DLGAP2: variants seen among roughly 807,000 people sequenced by gnomAD.
DLGAP2 encodes disks large-associated protein 2.
DLGAP2 carries 26 observed loss-of-function variants against 100.3 expected under a neutral mutation model. The ratio of observed to expected loss-of-function variants is 0.26; its 90% CI spans 0.19 to 0.36. The LOEUF is 0.36. Ranked by LOEUF, DLGAP2 falls within the 10% of genes least tolerant of loss-of-function variation. The pLI is 1.00. For missense variants in DLGAP2, 1,858 were observed against 1,453.2 expected, an observed-to-expected ratio of 1.28 and a Z score of -4.53; for synonymous variants, 886 against 630.1, an observed-to-expected ratio of 1.41 and a Z score of -6.08.
At chr8:1,558,348 C>A (rs1483099252) in intron 5 of DLGAP2, among the ~76,000 whole-genome samples, 1 of 152,214 alleles carries the variant, frequency 6.6e-6, no homozygotes, top group Non-Finnish European at 1.5e-5. Flanking sequence ...AAAGACAGTT[C>A]ACAACTCACA....
intron 3 of DLGAP2, among the ~76,000 whole-genome samples, chr8:1,260,804 T>C (rs1321562374): frequency 6.6e-6 from 1 of 152,224 alleles, no homozygotes; most frequent in Non-Finnish European, 1.5e-5. Context: ...GCAGGCTGAC[T>C]TGAGGCGACT....
chr8:1,316,741 A>C (rs1395561885), intron 3 of DLGAP2, among the ~76,000 whole-genome samples: 1 of 132,686 alleles, frequency 7.5e-6, no homozygotes, highest in East Asian at 3.8e-4. Flanking sequence ...GAAACTCGGC[A>C]GCTTTAAAAA....
At chr8:1,222,265 T>C (rs536237920) in intron 2 of DLGAP2, among the ~76,000 whole-genome samples, 1 of 152,338 alleles carries the variant, frequency 6.6e-6, no homozygotes, top group East Asian at 1.9e-4. Flanking sequence ...TTTGATTTTA[T>C]ATTCTTTGAT....
At chr8:766,633 G>C (rs927507382) in intron 1 of DLGAP2, among the ~76,000 whole-genome samples, 1 of 152,144 alleles carries the variant, frequency 6.6e-6, no homozygotes, top group East Asian at 1.9e-4. Context: ...ATGATACTTG[G>C]AGTGATCATG....
chr8:1,282,234 CAGGA>C (rs1799832559), intron 3 of DLGAP2, among the ~76,000 whole-genome samples: 1 of 118,152 alleles, frequency 8.5e-6, no homozygotes. Flanking sequence ...CCTGAACCAT[CAGGA>C]CATGGTGTGA....
At chr8:1,371,431 A>T (rs1802234067) in intron 3 of DLGAP2, among the ~76,000 whole-genome samples, 1 of 152,082 alleles carries the variant, frequency 6.6e-6, no homozygotes, top group South Asian at 2.1e-4. Flanking sequence ...GGCATGGGAG[A>T]TGGACAGAAA....
At chr8:1,597,904 T>C (rs564841007) in intron 6 of DLGAP2, among the ~76,000 whole-genome samples, 94 of 152,354 alleles carry the variant, frequency 6.2e-4, no homozygotes, top group Non-Finnish European at 1.1e-3. Context: ...TCCATCACTA[T>C]GTTGAATAGG....
At position 987,797 on chromosome 8, in the gene DLGAP2, C is replaced by T. The variant is rs1039492075; in HGVS notation, c.73+79831C>T. Among the ~76,000 whole-genome samples, 14 of 152,304 alleles carry T rather than the reference C, an allele frequency of 9.2e-5. No individual in the cohort carries two copies. In the South Asian group the frequency reaches 2.7e-3, roughly 29 times the overall value. On this transcript the variant is annotated intron_variant, in intron 2 of 14. Transcript: ENST00000637795. ...CACTTTTACTCACACCGGGTGCTTCCTGTGTGCTGGCTTCTTCCCCAGTTT... is the reference window on the plus strand; with the variant it reads ...CACTTTTACTCACACCGGGTGCTTCTTGTGTGCTGGCTTCTTCCCCAGTTT...
intron 1 of DLGAP2, chr8:738,935 C>G (rs1228696213): frequency 6.5e-6 from 1 of 152,792 alleles, no homozygotes; most frequent in Non-Finnish European, 1.5e-5. Context: ...GTCGGAAACT[C>G]GCGGCCCCCG....
Position 1,701,446 on chromosome 8 carries a change from C to G in DLGAP2, c.*40C>G. ...GCCTTCCCCTCGTCGCTTCCGCTTT[C>G]CCGGACGCTTGTGCAGCGCGGCGCC... On this transcript the variant is annotated 3_prime_UTR_variant, in exon 15 of 15. Transcript: ENST00000637795. 6.5e-7 allele frequency: 1 copy of G among 1,541,300 alleles called. No individual in the cohort carries two copies. The highest frequency in any genetic ancestry group is 8.7e-7 in the Non-Finnish European group (1 of 1,143,496).
At chr8:1,097,455 C>G (rs569222453) in intron 2 of DLGAP2, among the ~76,000 whole-genome samples, 24 of 135,920 alleles carry the variant, frequency 1.8e-4, no homozygotes, top group African/African-American at 6.0e-4. Flanking sequence ...TCCCTGTGCT[C>G]AGGAGAGTCA....
chr8:1,344,105 G>A (rs928175453), intron 3 of DLGAP2, among the ~76,000 whole-genome samples: 1 of 149,482 alleles, frequency 6.7e-6, no homozygotes, highest in Non-Finnish European at 1.5e-5. Flanking sequence ...CCTGTCGTGG[G>A]TCCATGTATT....
At chr8:915,980 T>C (rs184252001) in intron 2 of DLGAP2, among the ~76,000 whole-genome samples, 155 of 151,906 alleles carry the variant, frequency 1.0e-3, no homozygotes, top group African/African-American at 3.3e-3. Context: ...TCCGTCCATC[T>C]GTCCCAGGGC....
chr8:1,301,234 G>C (rs534788762), intron 3 of DLGAP2: 6 of 152,440 alleles, frequency 3.9e-5, no homozygotes, highest in Admixed American at 2.6e-4. Flanking sequence ...GTGGGAGCTG[G>C]ACCTGAGCCC....
At chr8:1,336,691 G>A (rs962656449) in intron 3 of DLGAP2, among the ~76,000 whole-genome samples, 1 of 152,186 alleles carries the variant, frequency 6.6e-6, no homozygotes, top group African/African-American at 2.4e-5. Context: ...CTTCTGTTGA[G>A]CCACTCTTTT....
intron 3 of DLGAP2, among the ~76,000 whole-genome samples, chr8:1,425,837 G>T (rs1330821172): frequency 1.3e-5 from 2 of 152,210 alleles, no homozygotes; most frequent in Non-Finnish European, 2.9e-5. Flanking sequence ...GAGACAGCCA[G>T]AAGTTCAGTT....
intron 2 of DLGAP2, among the ~76,000 whole-genome samples, chr8:1,164,394 G>A (rs1212949779): frequency 6.6e-6 from 1 of 151,952 alleles, no homozygotes; most frequent in Non-Finnish European, 1.5e-5. Context: ...GCCTCCCAGG[G>A]CCCGTCGTTT....
In DLGAP2 at chr8:1,284,996, A is replaced by C. The variant is rs1799893727; in HGVS notation, c.106+26113A>C. Among the ~76,000 whole-genome samples, 3 of 152,212 alleles carry C rather than the reference A, an allele frequency of 2.0e-5. No individual in the cohort carries two copies. The South Asian group carries it at 6.2e-4, about 32-fold the overall frequency. ...CAGCAAATGCCAGGTTCTTGGCTCCACCTGCATCCCGATTTATTTCCCTTG... is the reference window on the plus strand; with the variant it reads ...CAGCAAATGCCAGGTTCTTGGCTCCCCCTGCATCCCGATTTATTTCCCTTG... On this transcript the variant is annotated intron_variant, in intron 3 of 14. Transcript: ENST00000637795.
At chr8:1,419,804 T>A (rs1037323291) in intron 3 of DLGAP2, among the ~76,000 whole-genome samples, 4 of 152,104 alleles carry the variant, frequency 2.6e-5, no homozygotes, top group Non-Finnish European at 1.5e-5. Context: ...GCATGGAGGT[T>A]CCTCAAAAAA....
Sources: gnomAD v4.1 joint callset for allele counts (sites outside exome capture counted in the v4.1 genomes callset) on GRCh38, gnomAD v4.1.1 for gene constraint, MANE v1.5 for transcripts, NCBI Gene and HGNC (gene_info 2026-07-23, HGNC 2026-07-21) for gene names.